Variants in ZFYVE28 observed in about 807,000 individuals in gnomAD.
The protein encoded by ZFYVE28 is lateral signaling target protein 2 homolog.
Under a neutral mutation model 82.1 loss-of-function variants are expected in ZFYVE28, and 40 were observed. That is an observed-to-expected ratio of 0.49 (90% CI 0.38 to 0.63). The LOEUF is 0.63. Among genes scored for constraint, ZFYVE28 ranks in the 30% least tolerant of loss-of-function variants. ZFYVE28 has a pLI of 0.00. For synonymous variants in ZFYVE28, 612 were observed against 546.1 expected, an observed-to-expected ratio of 1.12 and a Z score of -1.68; for missense variants, 1,321 against 1,242.1, an observed-to-expected ratio of 1.06 and a Z score of -0.96.
intron 1 of ZFYVE28, among the ~76,000 whole-genome samples, chr4:2,361,126 A>C (rs1726089589): frequency 1.3e-5 from 2 of 152,292 alleles, no homozygotes; most frequent in East Asian, 1.9e-4. Flanking sequence ...CTCAAAGATA[A>C]ATTTTCTCAA....
At position 2,303,245 on chromosome 4, in the gene ZFYVE28, C is replaced by T. The variant is rs77468116; in HGVS notation, c.2051+1044G>A. Among the ~76,000 whole-genome samples, 1,227 of 152,296 alleles carry T rather than the reference C, an allele frequency of 8.1e-3. 9 individuals carry two copies. The highest frequency in any genetic ancestry group is 0.018 in the African/African-American group (732 of 41,560). ...CACTCCCACTCCTCCAGCGAGCTCA[C>T]GACCTGGGAGGACCGAGCACGGGAA... is the stretch of plus-strand genomic sequence containing the variant. On this transcript the variant is annotated intron_variant, in intron 8 of 12. Coordinates refer to ENST00000290974, the MANE Select transcript of ZFYVE28 (RefSeq NM_020972.3).
intron 7 of ZFYVE28, chr4:2,316,233 G>A (rs1458282680): frequency 6.6e-6 from 1 of 151,714 alleles, no homozygotes; most frequent in East Asian, 1.9e-4. Flanking sequence ...TGGCTGGAGT[G>A]CAGTGGCTAT....
intron 2 of ZFYVE28, among the ~76,000 whole-genome samples, chr4:2,344,407 G>T (rs547062480): frequency 6.6e-6 from 1 of 152,242 alleles, no homozygotes; most frequent in East Asian, 1.9e-4. Context: ...AAAGTGTTCT[G>T]CCTCCATGTG....
chr4:2,321,972 C>A (rs1337284957), intron 6 of ZFYVE28, among the ~76,000 whole-genome samples: 1 of 152,200 alleles, frequency 6.6e-6, no homozygotes, highest in Non-Finnish European at 1.5e-5. Flanking sequence ...GAGGCTCAGA[C>A]CCCAAGGCTG....
In ZFYVE28 at chr4:2,409,834, C is replaced by T. The variant is rs113328141; in HGVS notation, c.39+8451G>A. 7.2e-4 allele frequency among the ~76,000 whole-genome samples: 110 copies of T among 152,350 alleles called. 4 individuals are homozygous for T. The highest frequency in any genetic ancestry group is 2.5e-3 in the African/African-American group (105 of 41,570). ...TGGAAGCCCCAGGACAAGGGCCCTG[C>T]CAGCAGCACAGGGTGGGAGGAGAGG... On this transcript the variant is annotated intron_variant, in intron 1 of 12. Transcript: ENST00000290974. This position sits in a 1 kb window ranked among gnomAD's most constrained non-coding sequence, Gnocchi z 4.4.
At chr4:2,384,298 T>G (rs1729027654) in intron 1 of ZFYVE28, among the ~76,000 whole-genome samples, 1 of 152,208 alleles carries the variant, frequency 6.6e-6, no homozygotes, top group South Asian at 2.1e-4. Flanking sequence ...AAACTGGTTT[T>G]GTAGGAAAGT....
chr4:2,330,652 G>A (rs1720534373), intron 6 of ZFYVE28: 1 of 1,403,404 alleles, frequency 7.1e-7, no homozygotes, highest in Admixed American at 2.9e-5. Flanking sequence ...GTGTAGTGGA[G>A]GGGCCAGCAC....
At chr4:2,328,804 CTTTTT>C in intron 6 of ZFYVE28, 6 of 214,746 alleles carry the variant, frequency 2.8e-5, no homozygotes, top group Middle Eastern at 1.5e-3. Flanking sequence ...CAACTTTGTT[CTTTTT>C]TTTTTTTTTT....
intron 8 of ZFYVE28, among the ~76,000 whole-genome samples, chr4:2,291,923 C>T (rs1334776889): frequency 2.0e-5 from 3 of 152,134 alleles, no homozygotes; most frequent in Non-Finnish European, 4.4e-5. Flanking sequence ...GGCTGCAGGG[C>T]AGGAGTTGCA....
At chr4:2,337,027 C>T (rs993177957) in intron 5 of ZFYVE28, among the ~76,000 whole-genome samples, 2 of 39,218 alleles carry the variant, frequency 5.1e-5, no homozygotes, top group Non-Finnish European at 4.8e-5. Context: ...GGAGTGAGGA[C>T]ATGAGGAGTG....
intron 5 of ZFYVE28, among the ~76,000 whole-genome samples, chr4:2,337,056 G>GGTGAGGAGTTAGGA (rs1553846301): frequency 8.1e-6 from 1 of 123,966 alleles, no homozygotes; most frequent in Admixed American, 8.5e-5. Context: ...AGGAGTGAGG[G>GGTGAGGAGTTAGGA]GGTGAGGAAG....
At position 2,333,510 on chromosome 4, in the gene ZFYVE28, G is replaced by A. The variant is rs116194637; in HGVS notation, c.701+2195C>T. ...GCAGCAGACTCAGTGTGAAAGTCCC[G>A]AAACACAGTATGCCTGGGGTGCGGC... is the stretch of plus-strand genomic sequence containing the variant. On this transcript the variant is annotated intron_variant, in intron 6 of 12. Transcript: ENST00000290974. 6.3e-3 allele frequency among the ~76,000 whole-genome samples: 955 copies of A among 151,954 alleles called. 9 individuals are homozygous for A. Among genetic ancestry groups the A allele is most frequent in the African/African-American group, 0.021 (861 of 41,488 alleles).
intron 6 of ZFYVE28, chr4:2,328,981 T>C: frequency 1.7e-6 from 1 of 590,634 alleles, no homozygotes; most frequent in Non-Finnish European, 3.1e-6. Context: ...TCCATTGGTC[T>C]ATACATCTAT....
rs1361510795 is a variant in ZFYVE28, at chr4:2,346,243, G to A, written c.181-4628C>T. Among the ~76,000 whole-genome samples, 4 of 151,074 alleles carry A rather than the reference G, an allele frequency of 2.6e-5. No individual in the cohort carries two copies. In the East Asian group the frequency reaches 7.7e-4, roughly 29 times the overall value. ...TATAGTCCCAGCTACGTGGGGGGCT[G>A]AGGCAGGAGAATGCTGTGAACCCGG... is the stretch of plus-strand genomic sequence containing the variant. On this transcript the variant is annotated intron_variant, in intron 2 of 12. Transcript: ENST00000290974.
intron 1 of ZFYVE28, chr4:2,406,743 C>T (rs1731967829): frequency 6.6e-6 from 1 of 152,278 alleles, no homozygotes; most frequent in Non-Finnish European, 1.5e-5. Context: ...CCTGTGATGC[C>T]TGACTTACGT....
At position 2,304,264 on chromosome 4, in the gene ZFYVE28, G is replaced by A. The variant is rs567776465; in HGVS notation, c.2051+25C>T. 4 of 1,532,924 alleles carry A rather than the reference G, an allele frequency of 2.6e-6. No homozygotes were observed. The East Asian group carries it at 9.0e-5, about 35-fold the overall frequency. 95.0% of individuals were successfully genotyped at this position (1,532,924 alleles called of 1,614,324 possible). A position where few individuals can be genotyped will look rare whatever the true frequency, so the allele number is the denominator to read the frequency against. Reference sequence around the variant, plus strand: ...CCCCAGTGCAGAGAGGACAAACCCAGTCTCTGGGCCAGACTGGCTCTTACC... The same window carrying A: ...CCCCAGTGCAGAGAGGACAAACCCAATCTCTGGGCCAGACTGGCTCTTACC... On this transcript the variant is annotated intron_variant, in intron 8 of 12. Coordinates refer to ENST00000290974, the MANE Select transcript of ZFYVE28 (RefSeq NM_020972.3).
chr4:2,382,124 T>C (rs973181570), intron 1 of ZFYVE28, among the ~76,000 whole-genome samples: 1 of 152,192 alleles, frequency 6.6e-6, no homozygotes, highest in Admixed American at 6.5e-5. Flanking sequence ...AGAGGATGCA[T>C]GGAAACACCT....
In ZFYVE28 at chr4:2,305,189, G is replaced by A; in HGVS notation, c.1151C>T (p.Ser384Phe). The A allele has an allele frequency of 1.2e-6, 2 of 1,600,694 alleles. No individual in the cohort carries two copies. Among genetic ancestry groups the A allele is most frequent in the South Asian group, 1.1e-5 (1 of 89,992 alleles). Residue 384 changes from serine (S) to phenylalanine (F), a missense_variant, in exon 8 of 13, where the codon TCT becomes TTT. Physicochemically the swap from Ser to Phe is radical, Grantham distance 155 (BLOSUM62 -2). Around this residue, in one of 2 missense-constraint regions of ZFYVE28, gnomAD observed 978 missense variants for 833.7 expected, o/e 1.17. Coordinates refer to ENST00000290974, the MANE Select transcript of ZFYVE28 (RefSeq NM_020972.3). ...GAEGSPGGEA[S>F]PGRPRLRSGS... ...TGACCGCAGGCGCGGTCTACCTGGA[G>A]AGGCCTCCCCGCCTGGGCTGCCCTC... is the stretch of plus-strand genomic sequence containing the variant.
intron 7 of ZFYVE28, among the ~76,000 whole-genome samples, chr4:2,308,164 G>T (rs1362917733): frequency 6.6e-6 from 1 of 151,902 alleles, no homozygotes; most frequent in Non-Finnish European, 1.5e-5. Flanking sequence ...CTGTCACCCA[G>T]GCTGGAGTTC....
Sources: allele counts gnomAD v4.1 joint callset (sites outside exome capture counted in the v4.1 genomes callset), GRCh38; gene constraint gnomAD v4.1.1; regional missense constraint gnomAD v4.1.1; non-coding constraint Gnocchi (gnomAD v3.1); transcripts MANE v1.5; gene names NCBI Gene and HGNC (gene_info 2026-07-23, HGNC 2026-07-21).